Variants in TRAF3 observed in about 807,000 individuals in gnomAD.
The protein encoded by TRAF3 is TNF receptor associated factor 3.
A neutral mutation model predicts 62.3 loss-of-function variants in TRAF3; 13 were observed. The observed-to-expected ratio is 0.21, with a 90% CI of 0.14 to 0.33. TRAF3 has a LOEUF of 0.33. Among genes scored for constraint, TRAF3 ranks in the 10% least tolerant of loss-of-function variants. The probability of loss-of-function intolerance (pLI) is 1.00; values close to 1 mark genes in which losing one functional copy is unlikely to be tolerated. For synonymous variants in TRAF3, 269 were observed against 283.4 expected, an observed-to-expected ratio of 0.95 and a Z score of 0.51; for missense variants, 440 against 741.8, an observed-to-expected ratio of 0.59 and a Z score of 4.73.
In TRAF3 at chr14:102,910,134, T is replaced by C. The variant is rs1318857818; in HGVS notation, c.*4350T>C. On this transcript the variant is annotated 3_prime_UTR_variant, in exon 12 of 12. Transcript: ENST00000392745. ...CTGTCTCCTTGGGCCGTTGCAGGAT[T>C]GGGCGGGTGCAGACTCCCCTTGCGG... The C allele has an allele frequency of 6.6e-6, 1 of 152,242 alleles. No homozygotes were observed. The highest frequency in any genetic ancestry group is 1.5e-5 in the Non-Finnish European group (1 of 68,060). The allele number at this position is 152,242 out of a possible 1,614,324, so 9.4% of individuals were successfully genotyped here.
chr14:102,868,232 G>A (rs769448083), intron 2 of TRAF3, among the ~76,000 whole-genome samples: 5 of 152,222 alleles, frequency 3.3e-5, no homozygotes, highest in African/African-American at 7.2e-5. Flanking sequence ...TTACCGTATC[G>A]TGAGAAAGGA....
At chr14:102,802,781 T>G (rs1339588520) in intron 1 of TRAF3, among the ~76,000 whole-genome samples, 2 of 152,006 alleles carry the variant, frequency 1.3e-5, no homozygotes, top group Non-Finnish European at 2.9e-5. Flanking sequence ...TGAGCCGAGA[T>G]CGTGCCACTG....
intron 2 of TRAF3, among the ~76,000 whole-genome samples, chr14:102,866,748 G>A (rs1289612681): frequency 6.6e-6 from 1 of 151,998 alleles, no homozygotes; most frequent in African/African-American, 2.4e-5. Flanking sequence ...TGGAGGCTGA[G>A]GTGGGAGGAT....
chr14:102,872,501 G>A (rs1216458400), intron 4 of TRAF3, among the ~76,000 whole-genome samples: 2 of 152,198 alleles, frequency 1.3e-5, no homozygotes, highest in African/African-American at 4.8e-5. Flanking sequence ...CCCTGTGGCT[G>A]TCCTCAGCTA....
Position 102,891,333 on chromosome 14 carries a change from C to T in TRAF3, c.735C>T (p.Asn245=). Residue 245 remains asparagine, a synonymous_variant, in exon 9 of 12, where the codon AAC becomes AAT. Coordinates refer to ENST00000392745, the MANE Select transcript of TRAF3 (RefSeq NM_145725.3). ...KRYGCVFQGT[N]QQIKAHEASS... ...CATGTTTGCTCTCGCAGGGGACAAA[C>T]CAGCAGATCAAGGCCCACGAGGCCA... 1.2e-6 allele frequency: 2 copies of T among 1,613,130 alleles called. No homozygotes were observed. Among genetic ancestry groups the T allele is most frequent in the Non-Finnish European group, 1.7e-6 (2 of 1,179,834 alleles).
intron 1 of TRAF3, among the ~76,000 whole-genome samples, chr14:102,812,686 G>A (rs1450494415): frequency 6.6e-6 from 1 of 152,096 alleles, no homozygotes; most frequent in African/African-American, 2.4e-5. Flanking sequence ...TTGGGAGGCC[G>A]AGGGGGGCGG....
intron 2 of TRAF3, among the ~76,000 whole-genome samples, chr14:102,836,388 A>G (rs1308866952): frequency 2.6e-5 from 4 of 152,244 alleles, no homozygotes; most frequent in South Asian, 2.1e-4. Flanking sequence ...AGAATATTTT[A>G]TGTTCAAGAT....
At chr14:102,898,671 A>G (rs1324097172) in intron 10 of TRAF3, among the ~76,000 whole-genome samples, 1 of 152,246 alleles carries the variant, frequency 6.6e-6, no homozygotes, top group Non-Finnish European at 1.5e-5. Flanking sequence ...ATTTACAACA[A>G]AAAGTTAGAA....
intron 1 of TRAF3, among the ~76,000 whole-genome samples, chr14:102,824,919 A>G (rs1273973397): frequency 6.6e-6 from 1 of 152,194 alleles, no homozygotes; most frequent in Non-Finnish European, 1.5e-5. Context: ...CCTTTTACAC[A>G]CCAGGTGACT....
At chr14:102,829,346 C>T (rs1304588835) in intron 1 of TRAF3, among the ~76,000 whole-genome samples, 1 of 152,198 alleles carries the variant, frequency 6.6e-6, no homozygotes, top group Non-Finnish European at 1.5e-5. Flanking sequence ...TGAAGCACAT[C>T]CTTTCTCTTT....
In TRAF3 at chr14:102,903,560, C is replaced by G. The variant is rs1294586909; in HGVS notation, c.1135+131C>G. The stretch of plus-strand genomic sequence containing the variant: ...GACAGTTTTTTCTAATTATGGGTAA[C>G]ACGCAGAGGTGTGATGACTTTCCTA... On this transcript the variant is annotated intron_variant, in intron 11 of 11. Transcript: ENST00000392745. This position sits in a 1 kb window ranked among gnomAD's most constrained non-coding sequence, Gnocchi z 6.4. 3.1e-6 allele frequency: 4 copies of G among 1,294,234 alleles called. No homozygotes were observed. Among genetic ancestry groups the G allele is most frequent in the Non-Finnish European group, 4.3e-6 (4 of 920,852 alleles). The allele number at this position is 1,294,234 out of a possible 1,614,324, so 80.2% of individuals were successfully genotyped here.
intron 1 of TRAF3, among the ~76,000 whole-genome samples, chr14:102,823,640 G>C (rs1322252138): frequency 6.6e-6 from 1 of 152,152 alleles, no homozygotes; most frequent in Non-Finnish European, 1.5e-5. Context: ...ACGTTTTCTT[G>C]TTGTTTTTTA....
chr14:102,905,728 G>C lies in TRAF3; in HGVS notation c.1651G>C (p.Asp551His). The change falls in exon 12 of 12, where the codon GAT becomes CAT. Residue 551 changes from aspartate (D) to histidine (H), a missense_variant. By Grantham distance (81) the Asp-to-His change is moderately conservative. Around this residue, in one of 6 missense-constraint regions of TRAF3, gnomAD observed 59 missense variants for 120.9 expected, o/e 0.49. Coordinates refer to ENST00000392745, the MANE Select transcript of TRAF3 (RefSeq NM_145725.3). ...TVLENGTYIK[D>H]DTIFIKVIVD... ...TCTAGAAAATGGGACATATATTAAAGATGATACAATTTTTATTAAAGTCAT... is the reference window on the plus strand; with the variant it reads ...TCTAGAAAATGGGACATATATTAAACATGATACAATTTTTATTAAAGTCAT... 6.2e-7 allele frequency: 1 copy of C among 1,612,528 alleles called. No individual in the cohort carries two copies. Among genetic ancestry groups the C allele is most frequent in the Non-Finnish European group, 8.5e-7 (1 of 1,179,048 alleles).
intron 1 of TRAF3, among the ~76,000 whole-genome samples, chr14:102,797,337 A>G (rs1898147913): frequency 6.6e-6 from 1 of 152,236 alleles, no homozygotes; most frequent in Admixed American, 6.5e-5. Context: ...CCAATTCTAT[A>G]TATGATGAGG....
chr14:102,851,349 T>C (rs932648295), intron 2 of TRAF3, among the ~76,000 whole-genome samples: 6 of 152,254 alleles, frequency 3.9e-5, no homozygotes, highest in African/African-American at 1.4e-4. Flanking sequence ...ATCTCACTTA[T>C]TTCTTGCCAC....
At chr14:102,872,880 C>T (rs907806385) in intron 4 of TRAF3, among the ~76,000 whole-genome samples, 18 of 151,898 alleles carry the variant, frequency 1.2e-4, no homozygotes, top group African/African-American at 4.1e-4. Context: ...TTAGTAGAGA[C>T]GGGGTTTCAC....
intron 9 of TRAF3, among the ~76,000 whole-genome samples, chr14:102,896,011 G>A (rs80032640): frequency 0.021 from 3,142 of 152,264 alleles, 101 homozygotes; most frequent in African/African-American, 0.071. Context: ...TCAAACTGCA[G>A]GGTGTGGCCC....
rs140356786 is a variant in TRAF3, at chr14:102,878,579, G to A, written c.570+2054G>A. ...CAGGAGCTGGGGACTCAGTGGTGAG[G>A]CTCCTCTAGTGGGAAAAAATACTAA... On this transcript the variant is annotated intron_variant, in intron 6 of 11. Transcript: ENST00000392745. Among the ~76,000 whole-genome samples the A allele has an allele frequency of 3.6e-3, 552 of 152,294 alleles. 4 individuals are homozygous for A. Among genetic ancestry groups the A allele is most frequent in the African/African-American group, 0.012 (506 of 41,548 alleles).
intron 11 of TRAF3, 92 bp from the exon 12 acceptor site, chr14:102,905,121 A>T: frequency 1.5e-6 from 2 of 1,326,468 alleles, no homozygotes; most frequent in Admixed American, 3.6e-5. Context: ...CAAAAAAATG[A>T]AATAAAATAA....
Sources: gnomAD v4.1 joint callset for allele counts (sites outside exome capture counted in the v4.1 genomes callset) on GRCh38, gnomAD v4.1.1 for gene constraint, gnomAD v4.1.1 regional missense constraint, Gnocchi (gnomAD v3.1) non-coding constraint, MANE v1.5 for transcripts, NCBI Gene and HGNC (gene_info 2026-07-23, HGNC 2026-07-21) for gene names.